Variants in PPP1R9A observed in about 807,000 individuals in gnomAD.
PPP1R9A encodes the protein neurabin-1.
In PPP1R9A, 59 loss-of-function variants were observed where a neutral mutation model predicts 141.9. The observed-to-expected ratio is 0.42, with a 90% CI of 0.34 to 0.52. PPP1R9A has a LOEUF of 0.52. PPP1R9A is among the 20% of genes least tolerant of loss of function. The probability of loss-of-function intolerance (pLI) is 0.10; values close to 1 mark genes in which losing one functional copy is unlikely to be tolerated. For synonymous variants in PPP1R9A, 500 were observed against 569.7 expected (o/e 0.88, Z 1.74); for missense variants, 1,444 against 1,611.9 (o/e 0.90, Z 1.78).
At chr7:95,273,584 A>G (rs886107892) in intron 14 of PPP1R9A, among the ~76,000 whole-genome samples, 7 of 152,208 alleles carry the variant, frequency 4.6e-5, no homozygotes, top group African/African-American at 7.2e-5. Context: ...AGAAGGAACA[A>G]AAGTCATGTT....
rs1797900476 is a variant in PPP1R9A, at chr7:95,244,822, AC to A, written c.2113-2650del. ...TCCTAGCTGAGTTTATTGAGGACAT[AC>A]TATATGCTAGCCACTGTGCTAAGTG... On this transcript the variant is annotated intron_variant, in intron 8 of 19. Transcript: ENST00000433360. 3.9e-5 allele frequency among the ~76,000 whole-genome samples: 6 copies of A among 152,310 alleles called. No individual in the cohort carries two copies. The South Asian group carries it at 1.2e-3, about 32-fold the overall frequency.
chr7:95,161,245 G>A (rs1041023348), intron 4 of PPP1R9A, among the ~76,000 whole-genome samples: 2 of 151,896 alleles, frequency 1.3e-5, no homozygotes, highest in African/African-American at 4.8e-5. Flanking sequence ...GTAACTCACT[G>A]CGGTTTTGAT....
chr7:94,983,624 CTCTG>C (rs1362314309), intron 2 of PPP1R9A, among the ~76,000 whole-genome samples: 17 of 152,206 alleles, frequency 1.1e-4, no homozygotes, highest in Middle Eastern at 3.4e-3. Context: ...TGATTTGGCT[CTCTG>C]TCTGTCTGTT....
chr7:95,098,614 C>T (rs1393850426), intron 2 of PPP1R9A, among the ~76,000 whole-genome samples: 8 of 152,100 alleles, frequency 5.3e-5, no homozygotes, highest in East Asian at 1.9e-4. Flanking sequence ...AATGTATGTA[C>T]GGTTCCTGGG....
chr7:95,198,896 C>A (rs940345642), intron 6 of PPP1R9A, among the ~76,000 whole-genome samples: 15 of 152,120 alleles, frequency 9.9e-5, no homozygotes, highest in Admixed American at 5.9e-4. Context: ...GTAAACACAC[C>A]CATACACAAA....
chr7:95,039,816 G>A (rs190205099), intron 2 of PPP1R9A, among the ~76,000 whole-genome samples: 177 of 152,150 alleles, frequency 1.2e-3, no homozygotes, highest in African/African-American at 3.9e-3. Flanking sequence ...AATAACAGGA[G>A]GAGAAAGAGA....
chr7:95,229,428 G>C (rs938423041), intron 8 of PPP1R9A, among the ~76,000 whole-genome samples: 1 of 151,948 alleles, frequency 6.6e-6, no homozygotes. Flanking sequence ...TGGAGGGCAC[G>C]GTGGGAGTGA....
intron 5 of PPP1R9A, among the ~76,000 whole-genome samples, chr7:95,166,097 C>T (rs1293603742): frequency 1.4e-5 from 2 of 147,630 alleles, no homozygotes; most frequent in South Asian, 2.1e-4. Context: ...TGCAGTGAGC[C>T]GAGATGCACC....
chr7:95,284,433 C>T (rs1350298347), intron 17 of PPP1R9A, 103 bp downstream of exon 17: 1 of 1,118,792 alleles, frequency 8.9e-7, no homozygotes, highest in Non-Finnish European at 1.2e-6. Context: ...GTAGATTGTA[C>T]ATTACTCTTT....
At chr7:95,273,804 A>G (rs1460513220) in intron 14 of PPP1R9A, 95 bp from the exon 15 acceptor site, 24 of 1,149,118 alleles carry the variant, frequency 2.1e-5, no homozygotes, top group Non-Finnish European at 2.9e-5. Flanking sequence ...TTAGGAATTT[A>G]GGCAAAGCCC....
At chr7:95,051,504 A>G (rs969993582) in intron 2 of PPP1R9A, among the ~76,000 whole-genome samples, 3 of 152,226 alleles carry the variant, frequency 2.0e-5, no homozygotes, top group Non-Finnish European at 2.9e-5. Flanking sequence ...CAGTTTATCA[A>G]TATCCACAAA....
chr7:94,908,921 C>A (rs1264328594), intron 1 of PPP1R9A, among the ~76,000 whole-genome samples: 1 of 152,082 alleles, frequency 6.6e-6, no homozygotes, highest in Non-Finnish European at 1.5e-5. Flanking sequence ...GCTGATTGTG[C>A]GTGAGGGTGA....
chr7:94,918,996 G>A (rs962669401), intron 2 of PPP1R9A, among the ~76,000 whole-genome samples: 6 of 152,216 alleles, frequency 3.9e-5, no homozygotes, highest in African/African-American at 1.4e-4. Context: ...AGAATGAAAT[G>A]TATAACTGAG....
At chr7:95,275,403 C>CAAAA (rs10708689) in intron 16 of PPP1R9A, among the ~76,000 whole-genome samples, 1 of 96,920 alleles carries the variant, frequency 1.0e-5, no homozygotes, top group Non-Finnish European at 2.1e-5. Flanking sequence ...GACTCCGTCT[C>CAAAA]AAAAAAAAAA....
At chr7:94,973,103 C>T (rs971921080) in intron 2 of PPP1R9A, among the ~76,000 whole-genome samples, 1 of 152,176 alleles carries the variant, frequency 6.6e-6, no homozygotes, top group African/African-American at 2.4e-5. Context: ...GATTTCACTT[C>T]CTTCACTTTT....
At chr7:95,122,651 C>T (rs891519125) in intron 4 of PPP1R9A, among the ~76,000 whole-genome samples, 1 of 152,150 alleles carries the variant, frequency 6.6e-6, no homozygotes, top group African/African-American at 2.4e-5. Flanking sequence ...TGAAATAAAT[C>T]TTTTGAGTGA....
At chr7:94,915,584 C>T (rs1333131201) in intron 2 of PPP1R9A, among the ~76,000 whole-genome samples, 1 of 152,194 alleles carries the variant, frequency 6.6e-6, no homozygotes, top group Admixed American at 6.5e-5. Flanking sequence ...GCTTGAATCA[C>T]ATGATTTACC....
chr7:95,161,761 G>A (rs1385012277), intron 4 of PPP1R9A, 106 bp from the exon 5 acceptor site: 8 of 705,212 alleles, frequency 1.1e-5, no homozygotes, highest in Admixed American at 3.1e-5. Flanking sequence ...ATCAAAAAGA[G>A]TATCTTAAAA....
chr7:95,015,511 A>G (rs2151662975), intron 2 of PPP1R9A, among the ~76,000 whole-genome samples: 1 of 152,258 alleles, frequency 6.6e-6, no homozygotes, highest in Non-Finnish European at 1.5e-5. Context: ...GAACTAGAAG[A>G]TAGATCATTA....
Sources: gnomAD v4.1 joint callset for allele counts (sites outside exome capture counted in the v4.1 genomes callset) on GRCh38, gnomAD v4.1.1 for gene constraint, MANE v1.5 for transcripts, NCBI Gene and HGNC (gene_info 2026-07-23, HGNC 2026-07-21) for gene names.